The following EPB41L2 variants were observed in gnomAD, a reference collection of about 807,000 sequenced individuals.
EPB41L2 encodes the protein erythrocyte membrane protein band 4.1 like 2.
EPB41L2 carries 43 observed loss-of-function variants against 113.0 expected under a neutral mutation model. That is an observed-to-expected ratio of 0.38 (90% CI 0.30 to 0.49). The LOEUF (loss-of-function observed/expected upper bound fraction) is 0.49. Ranked by LOEUF, EPB41L2 falls within the 20% of genes least tolerant of loss-of-function variation. The pLI is 0.95. For synonymous variants in EPB41L2, 442 were observed against 436.7 expected (o/e 1.01, Z -0.15); for missense variants, 1,147 against 1,223.4 (o/e 0.94, Z 0.93).
intron 1 of EPB41L2, among the ~76,000 whole-genome samples, chr6:130,996,617 A>G (rs934687222): frequency 6.6e-6 from 1 of 152,234 alleles, no homozygotes; most frequent in East Asian, 1.9e-4. Flanking sequence ...TGAATGCCCT[A>G]TAGATTAACA....
chr6:130,865,468 A>G (rs997198568), intron 17 of EPB41L2, 68 bp downstream of exon 17: 1 of 1,485,120 alleles, frequency 6.7e-7, no homozygotes, highest in African/African-American at 1.4e-5. Flanking sequence ...AGGAAGAGAG[A>G]AACAATTCAG....
intron 1 of EPB41L2, among the ~76,000 whole-genome samples, chr6:131,060,548 T>C (rs1163983285): frequency 6.6e-6 from 1 of 152,192 alleles, no homozygotes; most frequent in Non-Finnish European, 1.5e-5. Context: ...TCCTTAGAAC[T>C]AGTAATTTGG....
chr6:130,872,485 A>G (rs762469132), intron 14 of EPB41L2: 1 of 1,289,250 alleles, frequency 7.8e-7, no homozygotes, highest in Non-Finnish European at 1.0e-6. Context: ...CTTTCATGCT[A>G]TCAGAAAAGC....
chr6:130,990,736 A>G (rs2128694468), intron 1 of EPB41L2, among the ~76,000 whole-genome samples: 1 of 152,340 alleles, frequency 6.6e-6, no homozygotes, highest in African/African-American at 2.4e-5. Flanking sequence ...AGATCTCATA[A>G]TAATACGAAT....
chr6:130,988,211 TAG>T (rs1273787935), intron 1 of EPB41L2, among the ~76,000 whole-genome samples: 1 of 152,134 alleles, frequency 6.6e-6, no homozygotes, highest in East Asian at 1.9e-4. Context: ...AAATAATCCA[TAG>T]GAGTTGAAGT....
At chr6:130,935,021 T>C (rs1208044888) in intron 3 of EPB41L2, among the ~76,000 whole-genome samples, 1 of 152,150 alleles carries the variant, frequency 6.6e-6, no homozygotes, top group East Asian at 1.9e-4. Flanking sequence ...TCATTAAGGA[T>C]TGCCACATCT....
chr6:130,934,507 CTGT>C (rs1267676593), intron 3 of EPB41L2, among the ~76,000 whole-genome samples: 9 of 152,164 alleles, frequency 5.9e-5, no homozygotes, highest in African/African-American at 2.2e-4. Flanking sequence ...GGGTCTTGCT[CTGT>C]TGCTGAGCCT....
At chr6:131,033,727 G>A (rs1792710535) in intron 1 of EPB41L2, among the ~76,000 whole-genome samples, 1 of 152,198 alleles carries the variant, frequency 6.6e-6, no homozygotes, top group Non-Finnish European at 1.5e-5. Context: ...GAAGTACTGA[G>A]AATAGGCAAA....
rs139086357 is a variant in EPB41L2 at position 130,930,432 on chromosome 6, C to T, written c.706-3723G>A. Among the ~76,000 whole-genome samples, 1,233 of 152,188 alleles carry T rather than the reference C, an allele frequency of 8.1e-3. 15 individuals are homozygous for T. Among genetic ancestry groups the T allele is most frequent in the South Asian group, 0.02 (95 of 4,816 alleles). ...AAAGAAAATGCTCATTGGAGCATTTCGGATTTCCAATTTCTTGATTTGGAG... is the reference window on the plus strand; with the variant it reads ...AAAGAAAATGCTCATTGGAGCATTTTGGATTTCCAATTTCTTGATTTGGAG... On this transcript the variant is annotated intron_variant, in intron 3 of 19. Transcript: ENST00000337057.
intron 11 of EPB41L2, among the ~76,000 whole-genome samples, chr6:130,889,165 T>G (rs1467986363): frequency 2.6e-5 from 4 of 151,684 alleles, no homozygotes; most frequent in East Asian, 1.9e-4. Flanking sequence ...AAATTTAGTA[T>G]TATTATTATA....
At chr6:130,906,695 A>G (rs1231801431) in intron 5 of EPB41L2, among the ~76,000 whole-genome samples, 1 of 152,224 alleles carries the variant, frequency 6.6e-6, no homozygotes, top group Non-Finnish European at 1.5e-5. Context: ...GTAGCTCAAA[A>G]AAGATTAATA....
chr6:130,895,254 C>T (rs1012474563), intron 8 of EPB41L2, 135 bp from the exon 9 acceptor site: 10 of 970,640 alleles, frequency 1.0e-5, no homozygotes, highest in Admixed American at 2.7e-5. Flanking sequence ...GTGACAAGTA[C>T]GCACGTTAAT....
intron 14 of EPB41L2, among the ~76,000 whole-genome samples, chr6:130,877,249 C>A (rs1410972335): frequency 6.6e-6 from 1 of 152,110 alleles, no homozygotes; most frequent in African/African-American, 2.4e-5. Context: ...AACATTCAAG[C>A]CAGACTAGAT....
chr6:130,904,340 A>G, intron 6 of EPB41L2, 125 bp downstream of exon 6: 1 of 535,962 alleles, frequency 1.9e-6, no homozygotes, highest in Non-Finnish European at 3.2e-6. Context: ...TTTTCAAGGA[A>G]ACTTCTAAAA....
chr6:130,853,818 C>CGATATTG (rs1779458933), intron 19 of EPB41L2, among the ~76,000 whole-genome samples: 1 of 152,126 alleles, frequency 6.6e-6, no homozygotes, highest in Non-Finnish European at 1.5e-5. Flanking sequence ...CAGACAGTTC[C>CGATATTG]CCTTCTTTTT....
intron 1 of EPB41L2, among the ~76,000 whole-genome samples, chr6:131,008,901 T>G (rs1460889364): frequency 1.3e-5 from 2 of 152,226 alleles, no homozygotes; most frequent in Non-Finnish European, 2.9e-5. Flanking sequence ...TAACTTGCTT[T>G]TGATTTTACA....
chr6:130,884,755 A>AATT (rs1790393564), intron 12 of EPB41L2, among the ~76,000 whole-genome samples: 2 of 152,248 alleles, frequency 1.3e-5, no homozygotes, highest in African/African-American at 4.8e-5. Context: ...TAAAATAATC[A>AATT]AGAAGCTACA....
chr6:130,965,635 AAC>A (rs1261253481), intron 1 of EPB41L2, among the ~76,000 whole-genome samples: 1 of 120,528 alleles, frequency 8.3e-6, no homozygotes, highest in Non-Finnish European at 1.8e-5. Context: ...CCAATGGATA[AAC>A]AGTTATCAAA....
At chr6:130,971,355 G>A (rs779715861) in intron 1 of EPB41L2, among the ~76,000 whole-genome samples, 5 of 152,190 alleles carry the variant, frequency 3.3e-5, no homozygotes, top group African/African-American at 9.7e-5. Context: ...CTCAGCATGC[G>A]ATTTTTTTCC....
Sources: allele counts gnomAD v4.1 joint callset (sites outside exome capture counted in the v4.1 genomes callset), GRCh38; gene constraint gnomAD v4.1.1; transcripts MANE v1.5; gene names NCBI Gene and HGNC (gene_info 2026-07-23, HGNC 2026-07-21).